The following EPHB2 variants were observed in gnomAD, a reference collection of about 807,000 sequenced individuals.
The protein encoded by EPHB2 is ephrin type-B receptor 2.
Under a neutral mutation model 96.4 loss-of-function variants are expected in EPHB2, and 18 were observed. The ratio of observed to expected loss-of-function variants is 0.19; its 90% CI spans 0.13 to 0.28. The LOEUF (loss-of-function observed/expected upper bound fraction) is 0.28. Ranked by LOEUF, EPHB2 falls within the 10% of genes least tolerant of loss-of-function variation. The pLI is 1.00. For synonymous variants in EPHB2, 506 were observed against 534.1 expected (o/e 0.95, Z 0.72); for missense variants, 989 against 1,355.4 (o/e 0.73, Z 4.25).
In EPHB2 at chr1:22,790,483, G is replaced by A. The variant is rs886568438; in HGVS notation, c.811+5407G>A. Among the ~76,000 whole-genome samples, 1 of 152,114 alleles carries A rather than the reference G, an allele frequency of 6.6e-6. No homozygotes were observed. Among genetic ancestry groups the A allele is most frequent in the African/African-American group, 2.4e-5 (1 of 41,422 alleles). Reference sequence around the variant, plus strand: ...AATGCCTTCTTTGCAGCAGCTGCCCGCACCCAAGTCTGTTTCTCTGACTCT... The same window carrying A: ...AATGCCTTCTTTGCAGCAGCTGCCCACACCCAAGTCTGTTTCTCTGACTCT... On this transcript the variant is annotated intron_variant, in intron 3 of 15. Transcript: ENST00000374630. The surrounding 1 kb of genome is among the most constrained non-coding windows in gnomAD (Gnocchi z 4.0).
chr1:22,830,212 T>G (rs1027795978), intron 3 of EPHB2, among the ~76,000 whole-genome samples: 1 of 151,950 alleles, frequency 6.6e-6, no homozygotes, highest in Non-Finnish European at 1.5e-5. Flanking sequence ...CACTGAGGGG[T>G]GCTGGCTGCC....
At chr1:22,756,859 T>C (rs1021488009) in intron 1 of EPHB2, among the ~76,000 whole-genome samples, 5 of 152,234 alleles carry the variant, frequency 3.3e-5, no homozygotes, top group African/African-American at 9.6e-5. Flanking sequence ...GGTCAGAAGA[T>C]GTCTATGATA....
chr1:22,711,418 T>G (rs1219033870), intron 1 of EPHB2, among the ~76,000 whole-genome samples: 7 of 122,942 alleles, frequency 5.7e-5, no homozygotes, highest in African/African-American at 9.0e-5. Context: ...GGCCCGGCCG[T>G]GGCGGGGGGC....
Position 22,733,059 on chromosome 1 carries a change from T to C in EPHB2, c.61+22016T>C, listed in dbSNP as rs571895935. Among the ~76,000 whole-genome samples the C allele has an allele frequency of 3.3e-5, 5 of 152,288 alleles. No individual in the cohort carries two copies. In the East Asian group the frequency reaches 9.6e-4, roughly 29 times the overall value. On this transcript the variant is annotated intron_variant, in intron 1 of 15. Transcript: ENST00000374630. The surrounding 1 kb of genome is among the most constrained non-coding windows in gnomAD (Gnocchi z 4.6). ...AGGCTGCCTTTCTTTCTTTCTTTCTTTCTTTTTTTTTGGAGTTTCGCTCTT... is the reference window on the plus strand; with the variant it reads ...AGGCTGCCTTTCTTTCTTTCTTTCTCTCTTTTTTTTTGGAGTTTCGCTCTT...
chr1:22,768,793 TC>T (rs1644340166), intron 1 of EPHB2, among the ~76,000 whole-genome samples: 1 of 151,442 alleles, frequency 6.6e-6, no homozygotes, highest in Non-Finnish European at 1.5e-5. Flanking sequence ...CTGATCATTC[TC>T]TCCTCCCGGC....
rs901137121 is a variant in EPHB2 at position 22,824,982 on chromosome 1, G to A, written c.812-38055G>A. On this transcript the variant is annotated intron_variant, in intron 3 of 15. Transcript: ENST00000374630. ...CTGCGGGAAGGGGACTTGGGGATGG[G>A]ACACTTTCCTCATCTTCTCAAGGAA... Among the ~76,000 whole-genome samples, 7 of 152,338 alleles carry A rather than the reference G, an allele frequency of 4.6e-5. No individual in the cohort carries two copies. The East Asian group carries it at 1.4e-3, about 29-fold the overall frequency.
rs575354601 is a variant in EPHB2 at position 22,737,398 on chromosome 1, G to C, written c.61+26355G>C. Among the ~76,000 whole-genome samples, 19 of 152,278 alleles carry C rather than the reference G, an allele frequency of 1.2e-4. No homozygotes were observed. In the East Asian group the frequency reaches 2.5e-3, roughly 20 times the overall value. On this transcript the variant is annotated intron_variant, in intron 1 of 15. Transcript: ENST00000374630. ...CCTGAGGCCTTCTCTGCCTGTCCTT[G>C]TCATCCCACAAACTCTAGGTGGATG...
intron 6 of EPHB2, chr1:22,891,353 G>A (rs927899593): frequency 5.7e-6 from 2 of 349,742 alleles, no homozygotes; most frequent in South Asian, 2.2e-5. Flanking sequence ...ACAACTAGGT[G>A]TGTGTTTTTC....
At chr1:22,730,862 A>G (rs558068446) in intron 1 of EPHB2, among the ~76,000 whole-genome samples, 12 of 152,236 alleles carry the variant, frequency 7.9e-5, no homozygotes, top group East Asian at 3.9e-4. Context: ...TTCAGAAAGC[A>G]CCACTCTGTC....
Position 22,747,727 on chromosome 1 carries a change from G to C in EPHB2, c.62-33694G>C, listed in dbSNP as rs540111257. ...CTCTGCTGTTTGGGGACTCAGGTGC[G>C]ACCTGTCTCCTCACCTGGAATGAAC... is the stretch of plus-strand genomic sequence containing the variant. On this transcript the variant is annotated intron_variant, in intron 1 of 15. Coordinates refer to ENST00000374630, the MANE Select transcript of EPHB2 (RefSeq NM_017449.5). Among the ~76,000 whole-genome samples the C allele has an allele frequency of 1.4e-3, 216 of 152,328 alleles. 1 individual carries two copies. The highest frequency in any genetic ancestry group is 3.4e-3 in the Middle Eastern group (1 of 294).
chr1:22,888,342 C>T (rs1236380743), intron 6 of EPHB2, among the ~76,000 whole-genome samples: 2 of 152,132 alleles, frequency 1.3e-5, no homozygotes, highest in Admixed American at 1.3e-4. Context: ...CGCCTGGCCT[C>T]TATAATGGTT....
intron 5 of EPHB2, among the ~76,000 whole-genome samples, chr1:22,870,827 G>C (rs142300005): frequency 6.6e-6 from 1 of 152,180 alleles, no homozygotes; most frequent in African/African-American, 2.4e-5. Flanking sequence ...AAGCCTGGCC[G>C]CTCACCAGCA....
intron 1 of EPHB2, among the ~76,000 whole-genome samples, chr1:22,722,862 C>T (rs543099689): frequency 2.0e-5 from 3 of 152,336 alleles, no homozygotes; most frequent in Admixed American, 2.0e-4. Context: ...GAAGAGGCGA[C>T]TTCTAAGATG....
chr1:22,815,241 A>T (rs1047911818), intron 3 of EPHB2, among the ~76,000 whole-genome samples: 1 of 151,752 alleles, frequency 6.6e-6, no homozygotes, highest in African/African-American at 2.4e-5. Context: ...TGGAATCAGG[A>T]CAGGCTAGAG....
Position 22,781,555 on chromosome 1 carries a change from G to A in EPHB2, c.126+70G>A. The A allele has an allele frequency of 4.0e-6, 6 of 1,506,558 alleles. No individual in the cohort carries two copies. In the South Asian group the frequency reaches 5.7e-5, roughly 14 times the overall value. The allele number at this position is 1,506,558 out of a possible 1,614,324, so 93.3% of individuals were successfully genotyped here. On this transcript the variant is annotated intron_variant, in intron 2 of 15. Transcript: ENST00000374630. ...TCAAGCCCTGCTGCAGGGCCCGAAT[G>A]CCCCCTCATATTCTAACCCCTTTCC...
intron 3 of EPHB2, among the ~76,000 whole-genome samples, chr1:22,845,758 AG>A (rs1645532688): frequency 6.6e-6 from 1 of 152,096 alleles, no homozygotes; most frequent in Non-Finnish European, 1.5e-5. Context: ...CAGCAGCCCC[AG>A]GCCCTATAAA....
At chr1:22,788,742 C>CT (rs1644647371) in intron 3 of EPHB2, among the ~76,000 whole-genome samples, 1 of 127,758 alleles carries the variant, frequency 7.8e-6, no homozygotes, top group African/African-American at 3.0e-5. Flanking sequence ...GTTTTTTTGT[C>CT]TTTTGTTTTT....
intron 6 of EPHB2, among the ~76,000 whole-genome samples, chr1:22,883,470 A>G (rs907469875): frequency 2.0e-5 from 3 of 152,264 alleles, no homozygotes; most frequent in Admixed American, 6.5e-5. Context: ...AAACAGCCAC[A>G]GAGGCTGCAA....
intron 3 of EPHB2, among the ~76,000 whole-genome samples, chr1:22,816,481 A>T (rs551614561): frequency 1.8e-4 from 28 of 152,076 alleles, no homozygotes; most frequent in Admixed American, 7.2e-4. Flanking sequence ...CCCACCCACC[A>T]GTACCTTAGG....
Sources: allele counts gnomAD v4.1 joint callset (sites outside exome capture counted in the v4.1 genomes callset), GRCh38; gene constraint gnomAD v4.1.1; non-coding constraint Gnocchi (gnomAD v3.1); transcripts MANE v1.5; gene names NCBI Gene and HGNC (gene_info 2026-07-23, HGNC 2026-07-21).